Variants in GPR137 observed in about 807,000 individuals in gnomAD.
GPR137 encodes integral membrane protein GPR137.
GPR137 carries 20 observed loss-of-function variants against 38.9 expected under a neutral mutation model. The observed-to-expected ratio is 0.51, with a 90% CI of 0.36 to 0.75. The LOEUF (loss-of-function observed/expected upper bound fraction) is 0.75. Ranked by LOEUF, GPR137 falls within the 30% of genes least tolerant of loss-of-function variation. GPR137 has a pLI of 0.00. For missense variants in GPR137, 456 were observed against 526.4 expected, an observed-to-expected ratio of 0.87 and a Z score of 1.31; for synonymous variants, 226 against 235.8, an observed-to-expected ratio of 0.96 and a Z score of 0.38.
rs1326777205 is a variant in GPR137 at position 64,286,682 on chromosome 11, A to G, written c.158A>G (p.His53Arg). ...AQLWLVLLYGHKRLSYQTVFL... is the reference protein window; with the variant it reads ...AQLWLVLLYGRKRLSYQTVFL... ...CTCTGGCTGGTGCTTCTGTATGGGC[A>G]CAAGCGTCTCAGCTATCAGACGGTG... Residue 53 changes from histidine to arginine, a missense_variant, in exon 1 of 7, where the codon CAC (histidine) becomes CGC (arginine). Transcript: ENST00000438980. The G allele has an allele frequency of 6.2e-7, 1 of 1,613,858 alleles. No homozygotes were observed. Among genetic ancestry groups the G allele is most frequent in the Admixed American group, 1.7e-5 (1 of 60,008 alleles).
chr11:64,284,085 C>T (rs560725971), upstream of GPR137: 1 of 1,426,956 alleles, frequency 7.0e-7, no homozygotes, highest in Admixed American at 2.3e-5. Flanking sequence ...TGGGGACCGA[C>T]CCAAAGCATT....
At chr11:64,287,997 G>T in intron 3 of GPR137, 51 bp downstream of exon 3, 6 of 1,602,424 alleles carry the variant, frequency 3.7e-6, no homozygotes, top group Non-Finnish European at 5.1e-6. Flanking sequence ...CTCGGCAGCG[G>T]TTCTCAGGGT....
chr11:64,284,413 T>G, upstream of GPR137: 3 of 1,609,778 alleles, frequency 1.9e-6, no homozygotes, highest in Non-Finnish European at 2.5e-6. Context: ...AAGGCACAGC[T>G]GGGGCCAACG....
intron 2 of GPR137, among the ~76,000 whole-genome samples, chr11:64,278,342 G>A (rs559920031): frequency 5.4e-4 from 81 of 150,630 alleles, no homozygotes; most frequent in Admixed American, 7.9e-4. Context: ...CAGCCTGGGC[G>A]ACAGAGTGAG....
upstream of GPR137, among the ~76,000 whole-genome samples, chr11:64,281,836 T>A (rs1029886249): frequency 6.6e-6 from 1 of 152,202 alleles, no homozygotes; most frequent in Admixed American, 6.5e-5. Context: ...TTCTCCTGCC[T>A]CAGCCTCCCG....
At position 64,288,396 on chromosome 11, in the gene GPR137, C is replaced by T; in HGVS notation, c.840C>T (p.Leu280=). ...NKGYLVFGLI[L]FVWELLPTTL... ...GCTACCTGGTATTTGGCCTCATCCT[C>T]TTCGTGTGGGAGCTACTGCCCACCA... is the stretch of plus-strand genomic sequence containing the variant. The change falls in exon 5 of 7, where the codon CTC becomes CTT. Residue 280 remains leucine, a synonymous_variant. Coordinates refer to ENST00000438980, the MANE Select transcript of GPR137 (RefSeq NM_001170880.2). The surrounding 1 kb of genome is among the most constrained non-coding windows in gnomAD (Gnocchi z 5.5). The T allele has an allele frequency of 6.2e-7, 1 of 1,613,954 alleles. No individual in the cohort carries two copies. Among genetic ancestry groups the T allele is most frequent in the Non-Finnish European group, 8.5e-7 (1 of 1,180,018 alleles).
chr11:64,287,762 T>A lies in GPR137; in HGVS notation c.449T>A (p.Phe150Tyr). ...GCCTTTGTGGGGGCCTCGCTGCTCT[T>A]TCTGCTGGTGAACGTGCTGTGTGCT... The part of the protein sequence containing the change: ...RGAFVGASLL[F>Y]LLVNVLCAVL... Residue 150 changes from phenylalanine (F) to tyrosine (Y), a missense_variant, in exon 3 of 7, where the codon TTT becomes TAT. Physicochemically the swap from Phe to Tyr is conservative, Grantham distance 22. Transcript: ENST00000438980. 6.2e-7 allele frequency: 1 copy of A among 1,606,950 alleles called. No individual in the cohort carries two copies.
chr11:64,271,854 G>T (rs766896428), upstream of GPR137: 319 of 1,309,012 alleles, frequency 2.4e-4, 1 homozygote, highest in Middle Eastern at 1.6e-3. Flanking sequence ...GCTCCTCTAA[G>T]CCCCTGGCCC....
chr11:64,282,241 T>TG (rs2033528060), upstream of GPR137, among the ~76,000 whole-genome samples: 2 of 151,868 alleles, frequency 1.3e-5, no homozygotes, highest in Admixed American at 6.6e-5. Flanking sequence ...TGAGTGTGTG[T>TG]GGGGGGCAGA....
chr11:64,282,329 T>C (rs2033533390), upstream of GPR137, among the ~76,000 whole-genome samples: 1 of 152,114 alleles, frequency 6.6e-6, no homozygotes, highest in Non-Finnish European at 1.5e-5. Flanking sequence ...AGGCTGAGCA[T>C]GGTGGCTCAC....
upstream of GPR137, among the ~76,000 whole-genome samples, chr11:64,282,550 C>A (rs1045352652): frequency 2.1e-4 from 32 of 149,500 alleles, no homozygotes; most frequent in Non-Finnish European, 1.6e-4. Context: ...GCCTGGGCAA[C>A]AAAAGGAGAC....
chr11:64,281,507 T>A (rs1173463132), upstream of GPR137, among the ~76,000 whole-genome samples: 1 of 152,222 alleles, frequency 6.6e-6, no homozygotes, highest in Non-Finnish European at 1.5e-5. Context: ...GACCTTCAAC[T>A]TTAGGTCTCC....
upstream of GPR137, chr11:64,284,391 T>G (rs371764981): frequency 6.2e-7 from 1 of 1,611,868 alleles, no homozygotes; most frequent in Non-Finnish European, 8.5e-7. Context: ...GAGGACAAGA[T>G]GTTACGTAGT....
At position 64,286,089 on chromosome 11, in the gene GPR137, G is replaced by T; in HGVS notation, c.-436G>T. 1 of 995,728 alleles carries T rather than the reference G, an allele frequency of 1.0e-6. No homozygotes were observed. The highest frequency in any genetic ancestry group is 1.2e-6 in the Non-Finnish European group (1 of 837,062). 61.7% of individuals were successfully genotyped at this position (995,728 alleles called of 1,614,324 possible). A position where few individuals can be genotyped will look rare whatever the true frequency, so the allele number is the denominator to read the frequency against. On this transcript the variant is annotated 5_prime_UTR_variant, in exon 1 of 7. Coordinates refer to ENST00000438980, the MANE Select transcript of GPR137 (RefSeq NM_001170880.2). ...CCCCCAGCTTGGGGAGGGGGAGAGC[G>T]GGGCATTGGGCGCCCCTCGCAGCGG...
rs943880125 is a variant in GPR137, at chr11:64,288,917, G to A, written c.1032-120G>A. The A allele has an allele frequency of 6.9e-7, 1 of 1,442,906 alleles. No homozygotes were observed. The highest frequency in any genetic ancestry group is 1.5e-5 in the South Asian group (1 of 67,706). The allele number at this position is 1,442,906 out of a possible 1,614,324, so 89.4% of individuals were successfully genotyped here. ...CACCTCTTGCCTAGAGATGTACTTTGTCCTGGGCCCCGAAGGTCTAGGTCA... is the reference window on the plus strand; with the variant it reads ...CACCTCTTGCCTAGAGATGTACTTTATCCTGGGCCCCGAAGGTCTAGGTCA... On this transcript the variant is annotated intron_variant, in intron 6 of 6. Transcript: ENST00000438980. This position sits in a 1 kb window ranked among gnomAD's most constrained non-coding sequence, Gnocchi z 5.5.
intron 2 of GPR137, chr11:64,276,829 G>A (rs1455640339): frequency 1.7e-5 from 12 of 702,996 alleles, no homozygotes; most frequent in Non-Finnish European, 2.1e-5. Context: ...TCCGCCTAGA[G>A]CCTGGCCCGG....
At chr11:64,270,631 C>T in exon 1 of GPR137, 1 of 643,234 alleles carries the variant, frequency 1.6e-6, no homozygotes, top group Non-Finnish European at 2.9e-6. Context: ...GATGAGACCG[C>T]AATTCGAGAA....
chr11:64,285,329 G>A (rs1353476360), upstream of GPR137: 5 of 985,484 alleles, frequency 5.1e-6, no homozygotes, highest in African/African-American at 3.5e-5. Context: ...GACCCGGTGA[G>A]GGAGGACCGT....
chr11:64,274,156 G>C (rs1415562517), upstream of GPR137, among the ~76,000 whole-genome samples: 3 of 152,214 alleles, frequency 2.0e-5, no homozygotes, highest in Non-Finnish European at 4.4e-5. Context: ...ACTTTGGGAG[G>C]CCGAGGCAGG....
Sources: gnomAD v4.1 joint callset for allele counts (sites outside exome capture counted in the v4.1 genomes callset) on GRCh38, gnomAD v4.1.1 for gene constraint, Gnocchi (gnomAD v3.1) non-coding constraint, MANE v1.5 for transcripts, NCBI Gene and HGNC (gene_info 2026-07-23, HGNC 2026-07-21) for gene names.